POTEF: variants seen among roughly 807,000 people sequenced by gnomAD.
POTEF encodes ANKRD26-like family C member 1B.
Under a neutral mutation model 83.2 loss-of-function variants are expected in POTEF, and 20 were observed. That is an observed-to-expected ratio of 0.24 (90% CI 0.17 to 0.35). The LOEUF is 0.35. Among genes scored for constraint, POTEF ranks in the 10% least tolerant of loss-of-function variants. The pLI is 1.00. For synonymous variants in POTEF, 196 were observed against 446.4 expected (o/e 0.44, Z 7.07); for missense variants, 550 against 1,203.2 (o/e 0.46, Z 8.03).
At chr2:130,100,808 T>C in intron 9 of POTEF, 88 bp from the exon 10 acceptor site, 3 of 1,525,108 alleles carry the variant, frequency 2.0e-6, no homozygotes, top group Non-Finnish European at 2.6e-6. Flanking sequence ...AAAAATTTTA[T>C]TCTTAACTAA....
At chr2:130,107,481 T>C (rs1176651856) in intron 8 of POTEF, among the ~76,000 whole-genome samples, 1 of 150,956 alleles carries the variant, frequency 6.6e-6, no homozygotes, top group Non-Finnish European at 1.5e-5. Flanking sequence ...GGCCACAGAC[T>C]CATACCAGTC....
chr2:130,112,846 T>A (rs2599866), intron 5 of POTEF, among the ~76,000 whole-genome samples: 5,812 of 149,852 alleles, frequency 0.039, 385 homozygotes, highest in African/African-American at 0.13. Flanking sequence ...AATTTGCTAC[T>A]ATTCTAATTG....
Position 130,129,089 on chromosome 2 carries a change from T to C in POTEF, c.-267A>G, listed in dbSNP as rs1299265482. Reference sequence around the variant, plus strand: ...TAACTCACCTACACCAGGACATTTCTACCACTCTGGCCGAGCTGCAGTGTC... The same window carrying C: ...TAACTCACCTACACCAGGACATTTCCACCACTCTGGCCGAGCTGCAGTGTC... On this transcript the variant is annotated 5_prime_UTR_variant, in exon 1 of 17. Transcript: ENST00000409914. 9.7e-6 allele frequency: 1 copy of C among 103,502 alleles called. No individual in the cohort carries two copies. The highest frequency in any genetic ancestry group is 2.0e-5 in the Non-Finnish European group (1 of 50,352). The allele number at this position is 103,502 out of a possible 1,614,324, so 6.4% of individuals were successfully genotyped here.
In POTEF at chr2:130,120,468, C is replaced by T. The variant is rs762209546; in HGVS notation, c.48G>A (p.Lys16=). The T allele has an allele frequency of 6.2e-6, 10 of 1,613,634 alleles. No homozygotes were observed. In the Admixed American group the frequency reaches 6.7e-5, roughly 11 times the overall value. The change falls in exon 3 of 17, where the codon AAG becomes AAA. Residue 16 remains lysine, a synonymous_variant. Transcript: ENST00000409914. ...DSMPAASSVK[K]PFGLRSKMGK... is the part of the protein sequence containing the mutation. ...CCATCTTGCTCCTGAGACCAAATGG[C>T]TTCTTCACAGAAGAGGCAGCCGGCA...
At chr2:130,117,587 A>C (rs1329066562) in intron 3 of POTEF, among the ~76,000 whole-genome samples, 1 of 152,126 alleles carries the variant, frequency 6.6e-6, no homozygotes, top group South Asian at 2.1e-4. Flanking sequence ...TTGTTATAGC[A>C]AAGTACATCT....
At chr2:130,115,776 C>T (rs1684830145) in intron 3 of POTEF, among the ~76,000 whole-genome samples, 1 of 152,132 alleles carries the variant, frequency 6.6e-6, no homozygotes. Flanking sequence ...TTTACTAATA[C>T]CACTAAAGAC....
chr2:130,125,869 G>A (rs1445398639), intron 2 of POTEF, among the ~76,000 whole-genome samples: 8 of 150,518 alleles, frequency 5.3e-5, no homozygotes, highest in Admixed American at 3.3e-4. Flanking sequence ...TCGGGCCATC[G>A]TACTACAGCC....
In POTEF at chr2:130,102,560, C is replaced by T. The variant is rs376264696; in HGVS notation, c.1127-380G>A. ...GTTTTCCCGCACTTAGCTAGTCTGA[C>T]TCTAAGGATAGTAACAAGCAGGGCC... On this transcript the variant is annotated intron_variant, in intron 8 of 16. Transcript: ENST00000409914. 4.1e-5 allele frequency among the ~76,000 whole-genome samples: 6 copies of T among 148,020 alleles called. No individual in the cohort carries two copies. In the South Asian group the frequency reaches 1.3e-3, roughly 32 times the overall value.
chr2:130,110,448 A>G, intron 7 of POTEF, 95 bp downstream of exon 7: 1 of 1,573,406 alleles, frequency 6.4e-7, no homozygotes, highest in Non-Finnish European at 8.6e-7. Flanking sequence ...ACCTGAACCA[A>G]ACTATGACAT....
At chr2:130,102,413 C>T (rs1684399005) in intron 8 of POTEF, among the ~76,000 whole-genome samples, 1 of 125,112 alleles carries the variant, frequency 8.0e-6, no homozygotes, top group Non-Finnish European at 1.7e-5. Context: ...AACAAAACCA[C>T]CAGAAACACA....
intron 5 of POTEF, among the ~76,000 whole-genome samples, chr2:130,113,173 G>A (rs1472830428): frequency 2.5e-5 from 3 of 121,360 alleles, no homozygotes; most frequent in East Asian, 4.9e-4. Context: ...CTTGAGCCCA[G>A]GAGTTCAAGA....
chr2:130,120,184 C>T lies in POTEF; in HGVS notation c.332G>A (p.Gly111Glu), dbSNP rs370972517. The change falls in exon 3 of 17, where the codon GGG becomes GAG. Residue 111 changes from glycine (G) to glutamate (E), a missense_variant. Physicochemically the swap from Gly to Glu is moderately conservative, Grantham distance 98. Transcript: ENST00000409914. ...WCCHCFPCCR[G>E]SSKSKVGAWG... The stretch of plus-strand genomic sequence containing the variant: ...AGCGCCCACCTTGCTCTTGCTGCTC[C>T]CCCTGCAGCAGGGGAAGCAGTGGCA... 22 of 1,594,184 alleles carry T rather than the reference C, an allele frequency of 1.4e-5. No homozygotes were observed. The highest frequency in any genetic ancestry group is 4.2e-5 in the African/African-American group (3 of 72,050).
intron 8 of POTEF, among the ~76,000 whole-genome samples, chr2:130,103,658 T>C (rs3863887): frequency 6.7e-6 from 1 of 150,314 alleles, no homozygotes; most frequent in Non-Finnish European, 1.5e-5. Context: ...TAAATACATG[T>C]TAGGCATTAG....
chr2:130,103,067 T>G (rs2897662), intron 8 of POTEF, among the ~76,000 whole-genome samples: 1 of 149,886 alleles, frequency 6.7e-6, no homozygotes, highest in African/African-American at 2.5e-5. Flanking sequence ...TTTCCTCCAC[T>G]ATTCTGACAC....
At chr2:130,126,320 A>AG (rs1367519233) in intron 2 of POTEF, among the ~76,000 whole-genome samples, 1,928 of 151,452 alleles carry the variant, frequency 0.013, 1 homozygote, top group African/African-American at 0.045. Flanking sequence ...AAAAAAAAAA[A>AG]AAAAGAAAGA....
At chr2:130,076,022 T>C (rs1183255861) in intron 16 of POTEF, among the ~76,000 whole-genome samples, 1 of 124,360 alleles carries the variant, frequency 8.0e-6, no homozygotes, top group Non-Finnish European at 1.7e-5. Flanking sequence ...TAGCTATGCA[T>C]ATATTTGGAC....
At chr2:130,127,887 G>C (rs1396132274) in intron 1 of POTEF, 23 bp from the exon 2 acceptor site, 4 of 145,380 alleles carry the variant, frequency 2.8e-5, no homozygotes, top group African/African-American at 1.1e-4. Flanking sequence ...GCAGGGAGTG[G>C]TAACGTTAGA....
At chr2:130,104,483 A>C (rs1054953812) in intron 8 of POTEF, among the ~76,000 whole-genome samples, 8 of 150,020 alleles carry the variant, frequency 5.3e-5, no homozygotes, top group Non-Finnish European at 1.0e-4. Context: ...GCTTTGTTTA[A>C]AGGAAGAACA....
chr2:130,114,155 C>T (rs1684781679), intron 5 of POTEF, among the ~76,000 whole-genome samples: 1 of 150,208 alleles, frequency 6.7e-6, no homozygotes, highest in Non-Finnish European at 1.5e-5. Context: ...AATCTGGTTC[C>T]TCAGAGGCCT....
Sources: gnomAD v4.1 joint callset for allele counts (sites outside exome capture counted in the v4.1 genomes callset) on GRCh38, gnomAD v4.1.1 for gene constraint, MANE v1.5 for transcripts, NCBI Gene and HGNC (gene_info 2026-07-23, HGNC 2026-07-21) for gene names.